TCEA1: variants seen among roughly 807,000 people sequenced by gnomAD.
TCEA1 encodes the protein transcription elongation factor A protein 1.
TCEA1 carries 21 observed loss-of-function variants against 43.8 expected under a neutral mutation model. The ratio of observed to expected loss-of-function variants is 0.48; its 90% CI spans 0.34 to 0.69. The LOEUF is 0.69. TCEA1 is among the 30% of genes least tolerant of loss of function. The pLI, the probability that TCEA1 is intolerant of heterozygous loss-of-function variation, is 0.01. For synonymous variants in TCEA1, 104 were observed against 117.5 expected (o/e 0.88, Z 0.75); for missense variants, 250 against 365.1 (o/e 0.68, Z 2.57).
At position 53,982,766 on chromosome 8, in the gene TCEA1, C is replaced by CA. The variant is rs1803553245; in HGVS notation, c.678+1596dup. Among the ~76,000 whole-genome samples the CA allele has an allele frequency of 2.6e-5, 4 of 152,114 alleles. No individual in the cohort carries two copies. The South Asian group carries it at 8.3e-4, about 32-fold the overall frequency. ...AGATGAGATGCTTCTTGTGGAGGAG[C>CA]AAAAAGTAATTTCCTGAGATGGAAC... On this transcript the variant is annotated intron_variant, in intron 7 of 9. Coordinates refer to ENST00000521604, the MANE Select transcript of TCEA1 (RefSeq NM_006756.4).
chr8:54,002,943 G>A (rs1804317552), intron 2 of TCEA1: 1 of 456,276 alleles, frequency 2.2e-6, no homozygotes. Context: ...GCTGCACACT[G>A]ATGGAAAAGC....
At chr8:53,996,918 T>TTTTTTTTTTTTTTG (rs1471902060) in intron 3 of TCEA1, among the ~76,000 whole-genome samples, 3 of 149,012 alleles carry the variant, frequency 2.0e-5, no homozygotes, top group African/African-American at 7.5e-5. Flanking sequence ...TTTTTTTTTT[T>TTTTTTTTTTTTTTG]AGACAGACTC....
chr8:53,973,489 A>G (rs1390399469), intron 8 of TCEA1: 6 of 497,056 alleles, frequency 1.2e-5, no homozygotes, highest in Admixed American at 9.1e-5. Flanking sequence ...AAAAATAGGT[A>G]TAAAGAAAAA....
intron 4 of TCEA1, among the ~76,000 whole-genome samples, chr8:53,993,127 ATTTTTTTT>A (rs11306062): frequency 1.5e-4 from 13 of 84,184 alleles, no homozygotes; most frequent in Non-Finnish European, 2.4e-4. Flanking sequence ...TACATGGCTA[ATTTTTTTT>A]TTTTTTTTTT....
chr8:53,993,093 T>C (rs985818644), intron 4 of TCEA1, among the ~76,000 whole-genome samples: 4 of 150,078 alleles, frequency 2.7e-5, no homozygotes, highest in African/African-American at 7.4e-5. Context: ...GCTGGGACTA[T>C]AGACACATGC....
chr8:53,973,365 G>A, intron 8 of TCEA1: 1 of 516,858 alleles, frequency 1.9e-6, no homozygotes, highest in Non-Finnish European at 3.6e-6. Flanking sequence ...AATTTTTAAA[G>A]AAGAAAGAAA....
chr8:53,993,711 GTTCT>G lies in TCEA1; in HGVS notation c.273_276del (p.Lys91AsnfsTer22). ...GGGCTGTTCTGCGATGTAATTGCAGGTTCTTTCTTCTTTTCGTCAAGGTCTTTCT... is the reference window on the plus strand; with the variant it reads ...GGGCTGTTCTGCGATGTAATTGCAGGTTCTTCTTTTCGTCAAGGTCTTTCT... On this transcript the variant is annotated frameshift_variant, in exon 4 of 10. Transcript: ENST00000521604. LOFTEE classifies it high-confidence loss of function. 6.2e-7 allele frequency: 1 copy of G among 1,613,768 alleles called. No homozygotes were observed. The highest frequency in any genetic ancestry group is 8.5e-7 in the Non-Finnish European group (1 of 1,179,788).
chr8:54,017,424 A>C (rs1804868256), intron 1 of TCEA1, among the ~76,000 whole-genome samples: 1 of 152,184 alleles, frequency 6.6e-6, no homozygotes, highest in South Asian at 2.1e-4. Flanking sequence ...CTTTACGACG[A>C]CACATTTCCA....
intron 1 of TCEA1, among the ~76,000 whole-genome samples, chr8:54,016,632 A>G (rs1034500641): frequency 1.3e-5 from 2 of 151,902 alleles, no homozygotes; most frequent in Non-Finnish European, 2.9e-5. Flanking sequence ...TGAGATCAGG[A>G]GTTCTAGACC....
intron 3 of TCEA1, among the ~76,000 whole-genome samples, chr8:53,996,389 G>T (rs1296986684): frequency 2.0e-5 from 3 of 152,232 alleles, no homozygotes. Flanking sequence ...CAGTGCCTCA[G>T]ATTCCTCATC....
At chr8:53,973,344 C>G (rs1383398980) in intron 8 of TCEA1, 1 of 522,244 alleles carries the variant, frequency 1.9e-6, no homozygotes, top group Non-Finnish European at 3.6e-6. Flanking sequence ...ATAAACTGAC[C>G]CCTTGGGAAC....
chr8:53,975,128 A>G (rs181715141), intron 8 of TCEA1, among the ~76,000 whole-genome samples: 5 of 151,942 alleles, frequency 3.3e-5, no homozygotes, highest in Admixed American at 2.6e-4. Flanking sequence ...ATACATCTCA[A>G]ACTATTCTCT....
rs563014426 is a variant in TCEA1, at chr8:53,987,963, A to C, written c.466+151T>G. ...TTCCTCCTCCTCTCCCCCTTAACAG[A>C]CCCGTATCAGCAACAACTTCTCCCC... On this transcript the variant is annotated intron_variant, in intron 5 of 9. Coordinates refer to ENST00000521604, the MANE Select transcript of TCEA1 (RefSeq NM_006756.4). 1.2e-5 allele frequency: 10 copies of C among 859,916 alleles called. No individual in the cohort carries two copies. In the South Asian group the frequency reaches 2.3e-4, roughly 20 times the overall value. The allele number at this position is 859,916 out of a possible 1,614,324, so 53.3% of individuals were successfully genotyped here.
intron 2 of TCEA1, among the ~76,000 whole-genome samples, chr8:54,001,857 A>AGAAAT (rs972217982): frequency 6.6e-6 from 1 of 152,036 alleles, no homozygotes; most frequent in African/African-American, 2.4e-5. Flanking sequence ...CAAAATAATA[A>AGAAAT]GAAATGAGGG....
At chr8:53,968,175 T>A in intron 9 of TCEA1, 63 bp from the exon 10 acceptor site, 1 of 1,289,850 alleles carries the variant, frequency 7.8e-7, no homozygotes, top group South Asian at 1.4e-5. Flanking sequence ...ATTCCCCATT[T>A]AATACAGCAT....
chr8:53,984,553 A>G lies in TCEA1; in HGVS notation c.524-36T>C, dbSNP rs190751768. ...GTTAAGGAAAAAAGGCAAAATTACA[A>G]AAGTAAGATCACTTTTTTTTCCTGT... On this transcript the variant is annotated intron_variant, in intron 6 of 9. Transcript: ENST00000521604. 7.3e-4 allele frequency: 1,098 copies of G among 1,507,872 alleles called. 7 individuals carry two copies. In the African/African-American group the frequency reaches 0.013, roughly 18 times the overall value. The allele number at this position is 1,507,872 out of a possible 1,614,324, so 93.4% of individuals were successfully genotyped here. A position where few individuals can be genotyped will look rare whatever the true frequency, so the allele number is the denominator to read the frequency against.
chr8:53,997,098 T>C (rs573370802), intron 3 of TCEA1, among the ~76,000 whole-genome samples: 4 of 151,858 alleles, frequency 2.6e-5, no homozygotes, highest in South Asian at 2.1e-4. Flanking sequence ...TTAGTAGAGA[T>C]GGGGTTTCAC....
intron 3 of TCEA1, among the ~76,000 whole-genome samples, chr8:53,993,989 C>A (rs28431894): frequency 6.6e-6 from 1 of 152,074 alleles, no homozygotes; most frequent in East Asian, 1.9e-4. Context: ...CCATGGGAAC[C>A]TAAAGGGAGG....
chr8:53,994,008 T>C (rs1236314461), intron 3 of TCEA1, among the ~76,000 whole-genome samples: 2 of 152,178 alleles, frequency 1.3e-5, no homozygotes, highest in African/African-American at 2.4e-5. Context: ...GGAAAGTATA[T>C]GGAACAAAGA....
Sources: gnomAD v4.1 joint callset for allele counts (sites outside exome capture counted in the v4.1 genomes callset) on GRCh38, gnomAD v4.1.1 for gene constraint, MANE v1.5 for transcripts, NCBI Gene and HGNC (gene_info 2026-07-23, HGNC 2026-07-21) for gene names.